PCSK6: variants seen among roughly 807,000 people sequenced by gnomAD.
The protein encoded by PCSK6 is paired basic amino acid cleaving enzyme 4.
A neutral mutation model predicts 123.3 loss-of-function variants in PCSK6; 85 were observed. The observed-to-expected ratio is 0.69, with a 90% CI of 0.58 to 0.83. The LOEUF (loss-of-function observed/expected upper bound fraction) is 0.83. Among genes scored for constraint, PCSK6 ranks in the 40% least tolerant of loss-of-function variants. The pLI is 0.00. For missense variants in PCSK6, 1,191 were observed against 1,282.3 expected, an observed-to-expected ratio of 0.93 and a Z score of 1.09; for synonymous variants, 508 against 516.0, an observed-to-expected ratio of 0.98 and a Z score of 0.21.
At chr15:101,327,093 T>G (rs1234977660) in intron 15 of PCSK6, among the ~76,000 whole-genome samples, 1 of 152,136 alleles carries the variant, frequency 6.6e-6, no homozygotes, top group African/African-American at 2.4e-5. Flanking sequence ...GTCCTAGGGT[T>G]GGGGGGCTGC....
intron 13 of PCSK6, among the ~76,000 whole-genome samples, chr15:101,335,398 C>T (rs959899232): frequency 1.6e-4 from 24 of 152,278 alleles, no homozygotes; most frequent in Non-Finnish European, 7.4e-5. Context: ...CAGTAGTACT[C>T]GGGGTTTTGA....
chr15:101,333,506 T>G (rs906264715), intron 13 of PCSK6, among the ~76,000 whole-genome samples: 3 of 152,194 alleles, frequency 2.0e-5, no homozygotes, highest in Non-Finnish European at 4.4e-5. Context: ...GCAATCAGAA[T>G]GGTTTCGGGG....
rs1436194294 is a variant in PCSK6 at position 101,444,892 on chromosome 15, A to G, written c.298-1232T>C. Among the ~76,000 whole-genome samples, 4 of 152,106 alleles carry G rather than the reference A, an allele frequency of 2.6e-5. No homozygotes were observed. The East Asian group carries it at 7.7e-4, about 29-fold the overall frequency. ...TGTGGCCATTTTCATATCTTTACAC[A>G]AGAAGATAAGGCAGGAGTGCAAGAG... On this transcript the variant is annotated intron_variant, in intron 1 of 21. Coordinates refer to ENST00000611716, the MANE Select transcript of PCSK6 (RefSeq NM_002570.5).
intron 1 of PCSK6, among the ~76,000 whole-genome samples, chr15:101,465,699 T>C (rs529217051): frequency 1.3e-5 from 2 of 151,812 alleles, no homozygotes; most frequent in Admixed American, 6.6e-5. Context: ...GAGGGGGACA[T>C]TGGTAATGAT....
At chr15:101,358,737 G>A (rs758032299) in intron 13 of PCSK6, among the ~76,000 whole-genome samples, 3 of 152,212 alleles carry the variant, frequency 2.0e-5, no homozygotes, top group Non-Finnish European at 4.4e-5. Flanking sequence ...GGGCCCATAC[G>A]CCAACCTGGA....
chr15:101,362,707 C>T (rs933837502), intron 13 of PCSK6, among the ~76,000 whole-genome samples: 9 of 152,156 alleles, frequency 5.9e-5, no homozygotes, highest in Admixed American at 5.2e-4. Flanking sequence ...CAGTAACTTG[C>T]GTACTATCCC....
rs546691988 is a variant in PCSK6 at position 101,363,889 on chromosome 15, C to T, written c.1858+2307G>A. 5.3e-5 allele frequency among the ~76,000 whole-genome samples: 8 copies of T among 152,088 alleles called. 1 individual carries two copies. Among genetic ancestry groups the T allele is most frequent in the African/African-American group, 1.7e-4 (7 of 41,510 alleles). On this transcript the variant is annotated intron_variant, in intron 13 of 21. Coordinates refer to ENST00000611716, the MANE Select transcript of PCSK6 (RefSeq NM_002570.5). ...TCCTGACTTCGTGATCCACCCGCCT[C>T]GGCCTCCCAAAGTGCTGGGATTACA...
At chr15:101,391,483 C>T (rs184998194) in intron 8 of PCSK6, among the ~76,000 whole-genome samples, 10 of 152,344 alleles carry the variant, frequency 6.6e-5, no homozygotes, top group Admixed American at 2.6e-4. Context: ...CCTAGTGCCA[C>T]GCCTGGGACA....
In PCSK6 at chr15:101,307,387, T is replaced by A. The variant is rs1488247303; in HGVS notation, c.2700-62A>T. Reference sequence around the variant, plus strand: ...AGAGGCTCCACCACTCCGGGCTCCCTTCCCAGAACCCTCACCTCCCTGCAC... The same window carrying A: ...AGAGGCTCCACCACTCCGGGCTCCCATCCCAGAACCCTCACCTCCCTGCAC... On this transcript the variant is annotated intron_variant, in intron 20 of 21. Coordinates refer to ENST00000611716, the MANE Select transcript of PCSK6 (RefSeq NM_002570.5). 10 of 1,251,766 alleles carry A rather than the reference T, an allele frequency of 8.0e-6. No individual in the cohort carries two copies. In the Admixed American group the frequency reaches 2.0e-4, roughly 24 times the overall value. The allele number at this position is 1,251,766 out of a possible 1,614,324, so 77.5% of individuals were successfully genotyped here. A position where few individuals can be genotyped will look rare whatever the true frequency, so the allele number is the denominator to read the frequency against.
At chr15:101,347,180 T>G in intron 13 of PCSK6, 1 of 1,231,796 alleles carries the variant, frequency 8.1e-7, no homozygotes, top group Non-Finnish European at 1.0e-6. Flanking sequence ...ACAGAAGGCA[T>G]GTGCTTTAAA....
intron 7 of PCSK6, among the ~76,000 whole-genome samples, chr15:101,396,111 A>G (rs1330565636): frequency 6.6e-6 from 1 of 152,130 alleles, no homozygotes; most frequent in Non-Finnish European, 1.5e-5. Flanking sequence ...GACAGTTGCG[A>G]TTTAAGGTTC....
chr15:101,427,591 C>T (rs1056110728), intron 6 of PCSK6, among the ~76,000 whole-genome samples: 5 of 152,184 alleles, frequency 3.3e-5, no homozygotes, highest in South Asian at 2.1e-4. Flanking sequence ...GGGGAATCAA[C>T]GCAGACTTCT....
At chr15:101,469,917 G>T (rs1379780265) in intron 1 of PCSK6, among the ~76,000 whole-genome samples, 3 of 152,236 alleles carry the variant, frequency 2.0e-5, no homozygotes, top group Admixed American at 6.5e-5. Context: ...GACGCTGGAA[G>T]GACGTGCTGT....
chr15:101,472,057 A>G (rs2057618769), intron 1 of PCSK6, among the ~76,000 whole-genome samples: 2 of 152,194 alleles, frequency 1.3e-5, no homozygotes, highest in Admixed American at 6.5e-5. Context: ...ATGACCCAGA[A>G]AACTCCATAA....
chr15:101,313,076 G>A (rs117441572), intron 20 of PCSK6: 133,994 of 1,314,296 alleles, frequency 0.1, 7,656 homozygotes, highest in South Asian at 0.18. Context: ...CATGCTGAGC[G>A]CGACATGGGC....
intron 13 of PCSK6, among the ~76,000 whole-genome samples, chr15:101,344,998 T>G (rs2040697310): frequency 6.6e-6 from 1 of 152,232 alleles, no homozygotes; most frequent in Admixed American, 6.5e-5. Context: ...TCTGTATGCC[T>G]TTAGTGAAAC....
chr15:101,349,470 C>G (rs1338302613), intron 13 of PCSK6, among the ~76,000 whole-genome samples: 1 of 152,182 alleles, frequency 6.6e-6, no homozygotes, highest in East Asian at 1.9e-4. Flanking sequence ...AGGTCGCAGC[C>G]AATTTGATTT....
intron 4 of PCSK6, 102 bp from the exon 5 acceptor site, chr15:101,430,165 G>C: frequency 1.2e-6 from 1 of 829,098 alleles, no homozygotes; most frequent in South Asian, 1.4e-5. Context: ...CACACGCGGG[G>C]CTCCTCTCTT....
At chr15:101,459,339 G>A (rs1014745967) in intron 1 of PCSK6, among the ~76,000 whole-genome samples, 1 of 151,996 alleles carries the variant, frequency 6.6e-6, no homozygotes, top group Admixed American at 6.5e-5. Context: ...GAAACATCCT[G>A]GTTGCACAAT....
Sources: gnomAD v4.1 joint callset for allele counts (sites outside exome capture counted in the v4.1 genomes callset) on GRCh38, gnomAD v4.1.1 for gene constraint, MANE v1.5 for transcripts, NCBI Gene and HGNC (gene_info 2026-07-23, HGNC 2026-07-21) for gene names.